LLGL2: variants seen among roughly 807,000 people sequenced by gnomAD.
LLGL2 encodes LLGL scribble cell polarity complex component 2, also known as LLGL2, scribble cell polarity complex component.
LLGL2 carries 81 observed loss-of-function variants against 123.2 expected under a neutral mutation model. The ratio of observed to expected loss-of-function variants is 0.66; its 90% CI spans 0.55 to 0.79. The LOEUF (loss-of-function observed/expected upper bound fraction) is 0.79. LLGL2 is among the 30% of genes least tolerant of loss of function. The pLI, the probability that LLGL2 is intolerant of heterozygous loss-of-function variation, is 0.00. For synonymous variants in LLGL2, 577 were observed against 594.1 expected (o/e 0.97, Z 0.42); for missense variants, 1,273 against 1,414.6 (o/e 0.90, Z 1.61).
chr17:75,570,856 C>A, intron 16 of LLGL2, 94 bp from the exon 17 acceptor site: 3 of 1,455,986 alleles, frequency 2.1e-6, no homozygotes, highest in Non-Finnish European at 2.8e-6. Flanking sequence ...ATGGCTGTGG[C>A]CTGCCTTCCG....
chr17:75,566,721 A>G (rs1235599993), intron 10 of LLGL2, among the ~76,000 whole-genome samples: 1 of 152,182 alleles, frequency 6.6e-6, no homozygotes, highest in Non-Finnish European at 1.5e-5. Flanking sequence ...GTCAAGGATG[A>G]CGTGAGGGTT....
intron 17 of LLGL2, 28 bp downstream of exon 17, chr17:75,571,128 C>T: frequency 6.6e-7 from 1 of 1,523,228 alleles, no homozygotes; most frequent in Non-Finnish European, 9.0e-7. Flanking sequence ...GGTTGGGGGG[C>T]AGGGGGTAGT....
intron 1 of LLGL2, among the ~76,000 whole-genome samples, chr17:75,528,436 C>T (rs1247357551): frequency 3.3e-5 from 5 of 152,062 alleles, no homozygotes; most frequent in East Asian, 2.0e-4. Context: ...TTTAATATAC[C>T]GCAACATTAA....
At chr17:75,551,392 G>A (rs1033673474) in intron 2 of LLGL2, among the ~76,000 whole-genome samples, 7 of 149,398 alleles carry the variant, frequency 4.7e-5, no homozygotes, top group Non-Finnish European at 8.9e-5. Context: ...GCTCATCCAC[G>A]ACCAGATGCC....
intron 1 of LLGL2, among the ~76,000 whole-genome samples, chr17:75,541,410 G>A (rs1442528351): frequency 6.6e-6 from 1 of 152,232 alleles, no homozygotes; most frequent in African/African-American, 2.4e-5. Flanking sequence ...GCAGATCTGG[G>A]TGTCCCCTCA....
At chr17:75,534,295 C>T (rs1053217696) in intron 1 of LLGL2, among the ~76,000 whole-genome samples, 2 of 152,164 alleles carry the variant, frequency 1.3e-5, no homozygotes, top group Non-Finnish European at 1.5e-5. Context: ...CTAGGCATGG[C>T]GGGAGGATCC....
intron 6 of LLGL2, 150 bp from the exon 7 acceptor site, chr17:75,562,866 G>A (rs1197637249): frequency 1.0e-5 from 10 of 970,130 alleles, no homozygotes; most frequent in Admixed American, 2.5e-5. Flanking sequence ...CACCACGCTC[G>A]GCCATCCACT....
chr17:75,527,752 C>T (rs2147051038), intron 1 of LLGL2, among the ~76,000 whole-genome samples: 1 of 151,626 alleles, frequency 6.6e-6, no homozygotes, highest in Middle Eastern at 3.4e-3. Flanking sequence ...CAGGTGTAAG[C>T]CACTGTGCCC....
At position 75,568,681 on chromosome 17, in the gene LLGL2, C is replaced by A. The variant is rs748554837; in HGVS notation, c.1242C>A (p.His414Gln). ...CCGCCGGCAGCCGGCAGAACGCACA[C>A]TTCTCCACCATGGTAGGTCTGGCCC... Reference protein sequence around the residue: ...IIAAGSRQNAHFSTMEWPIDG... With the variant: ...IIAAGSRQNAQFSTMEWPIDG... Residue 414 changes from histidine to glutamine, a missense_variant, in exon 11 of 26, where the codon CAC becomes CAA. By Grantham distance (24) the His-to-Gln change is conservative. Coordinates refer to ENST00000392550, the MANE Select transcript of LLGL2 (RefSeq NM_001031803.2). The A allele has an allele frequency of 1.1e-5, 17 of 1,613,728 alleles. No individual in the cohort carries two copies. The East Asian group carries it at 3.3e-4, about 32-fold the overall frequency.
At chr17:75,526,951 T>C (rs950980617) in intron 1 of LLGL2, among the ~76,000 whole-genome samples, 2 of 152,066 alleles carry the variant, frequency 1.3e-5, no homozygotes, top group South Asian at 2.1e-4. Context: ...GAGGATCGCC[T>C]GAGCCCAGGA....
intron 6 of LLGL2, chr17:75,562,621 T>C (rs1285308968): frequency 4.5e-6 from 1 of 222,272 alleles, no homozygotes; most frequent in Non-Finnish European, 9.2e-6. Flanking sequence ...CAGGCTGGAG[T>C]GCAGTGGCAC....
chr17:75,564,477 A>G lies in LLGL2; in HGVS notation c.1006A>G (p.Thr336Ala). Residue 336 changes from threonine to alanine, a missense_variant, in exon 10 of 26, where the codon ACT (threonine) becomes GCT (alanine). By Grantham distance (58) the Thr-to-Ala change is moderately conservative. Coordinates refer to ENST00000392550, the MANE Select transcript of LLGL2 (RefSeq NM_001031803.2). This position sits in a 1 kb window ranked among gnomAD's most constrained non-coding sequence, Gnocchi z 4.9. ...CTTCACCTCCCGTGTCATCGGCTTCACTGTCCTCACAGAGGCAGACCCTGC... is the reference window on the plus strand; with the variant it reads ...CTTCACCTCCCGTGTCATCGGCTTCGCTGTCCTCACAGAGGCAGACCCTGC... ...FDFTSRVIGF[T>A]VLTEADPAAT... 1 of 1,613,128 alleles carries G rather than the reference A, an allele frequency of 6.2e-7. No homozygotes were observed. The highest frequency in any genetic ancestry group is 8.5e-7 in the Non-Finnish European group (1 of 1,179,986).
At position 75,568,642 on chromosome 17, in the gene LLGL2, G is replaced by C; in HGVS notation, c.1203G>C (p.Trp401Cys). 1 of 1,613,914 alleles carries C rather than the reference G, an allele frequency of 6.2e-7. No individual in the cohort carries two copies. The highest frequency in any genetic ancestry group is 8.5e-7 in the Non-Finnish European group (1 of 1,180,040). The change falls in exon 11 of 26, where the codon TGG becomes TGC. Residue 401 changes from tryptophan to cysteine, a missense_variant. Coordinates refer to ENST00000392550, the MANE Select transcript of LLGL2 (RefSeq NM_001031803.2). ...TCTCCAACATCCCGCTGAAGCTGTGGGAGCGGATCATTGCCGCCGGCAGCC... is the reference window on the plus strand; with the variant it reads ...TCTCCAACATCCCGCTGAAGCTGTGCGAGCGGATCATTGCCGCCGGCAGCC... ...HHVSNIPLKL[W>C]ERIIAAGSRQ...
chr17:75,533,359 C>T (rs961023217), intron 1 of LLGL2, among the ~76,000 whole-genome samples: 7 of 123,366 alleles, frequency 5.7e-5, no homozygotes, highest in South Asian at 5.6e-4. Flanking sequence ...GGCTGGAGTG[C>T]AGTGGCACGA....
intron 14 of LLGL2, 128 bp from the exon 15 acceptor site, chr17:75,569,835 G>C (rs2055616308): frequency 3.1e-6 from 3 of 959,184 alleles, no homozygotes; most frequent in African/African-American, 1.6e-5. Context: ...GAGAGCTGGG[G>C]TTGGACAGAG....
intron 1 of LLGL2, among the ~76,000 whole-genome samples, chr17:75,541,267 G>T (rs2054193811): frequency 6.6e-6 from 1 of 152,230 alleles, no homozygotes; most frequent in Non-Finnish European, 1.5e-5. Context: ...TCTCCAGGGA[G>T]CCCCCACCAA....
chr17:75,568,438 TCCTGGCCCCGGCC>T, intron 10 of LLGL2, 25 bp from the exon 11 acceptor site: 1 of 1,598,650 alleles, frequency 6.3e-7, no homozygotes. Flanking sequence ...GGCTGCTTCC[TCCTGGCCCCGGCC>T]CCTGACCCTT....
chr17:75,574,088 A>C (rs956672201), intron 22 of LLGL2, 108 bp downstream of exon 22: 1 of 1,547,756 alleles, frequency 6.5e-7, no homozygotes, highest in Non-Finnish European at 8.7e-7. Flanking sequence ...TTGGGCTGGG[A>C]ATAGAGACGG....
At position 75,535,838 on chromosome 17, in the gene LLGL2, A is replaced by C. The variant is rs149682760; in HGVS notation, c.-30-7559A>C. Among the ~76,000 whole-genome samples the C allele has an allele frequency of 9.9e-3, 1,513 of 152,276 alleles. 20 individuals carry two copies. Among genetic ancestry groups the C allele is most frequent in the African/African-American group, 0.031 (1,273 of 41,556 alleles). On this transcript the variant is annotated intron_variant, in intron 1 of 25. Coordinates refer to ENST00000392550, the MANE Select transcript of LLGL2 (RefSeq NM_001031803.2). Reference sequence around the variant, plus strand: ...TCCTGTTCTTTCCAAGTGGGTGTCCAGGTGTGTGGACACCTGTCCTAGACC... The same window carrying C: ...TCCTGTTCTTTCCAAGTGGGTGTCCCGGTGTGTGGACACCTGTCCTAGACC...
Sources: gnomAD v4.1 joint callset for allele counts (sites outside exome capture counted in the v4.1 genomes callset) on GRCh38, gnomAD v4.1.1 for gene constraint, Gnocchi (gnomAD v3.1) non-coding constraint, MANE v1.5 for transcripts, NCBI Gene and HGNC (gene_info 2026-07-23, HGNC 2026-07-21) for gene names.